SLC7A6OS: variants seen among roughly 807,000 people sequenced by gnomAD.
The protein encoded by SLC7A6OS is solute carrier family 7 member 6 opposite strand, also known as probable RNA polymerase II nuclear localization protein SLC7A6OS.
A neutral mutation model predicts 34.3 loss-of-function variants in SLC7A6OS; 22 were observed. The ratio of observed to expected loss-of-function variants is 0.64; its 90% CI spans 0.46 to 0.92. The LOEUF (loss-of-function observed/expected upper bound fraction) is 0.92. SLC7A6OS is among the 40% of genes least tolerant of loss of function. The probability of loss-of-function intolerance (pLI) is 0.00; values close to 1 mark genes in which losing one functional copy is unlikely to be tolerated. For synonymous variants in SLC7A6OS, 199 were observed against 165.0 expected (o/e 1.21, Z -1.58); for missense variants, 434 against 407.7 (o/e 1.06, Z -0.56).
chr16:68,302,428 T>C lies in SLC7A6OS; in HGVS notation c.752A>G (p.Asn251Ser), dbSNP rs1422862126. Residue 251 changes from asparagine (N) to serine (S), a missense_variant, in exon 4 of 5, where the codon AAT becomes AGT. Asn to Ser is a conservative substitution (Grantham distance 46). Coordinates refer to ENST00000263997, the MANE Select transcript of SLC7A6OS (RefSeq NM_032178.3). ...ACTGCTCTCCTCCTCTGGGTACTCA[T>C]TGCGCCAGTTATTCTCACTGTTCTC... ...DDENSENNWR[N>S]EYPEEESSDG... 2 of 1,614,082 alleles carry C rather than the reference T, an allele frequency of 1.2e-6. No homozygotes were observed. The highest frequency in any genetic ancestry group is 2.2e-5 in the East Asian group (1 of 44,902).
At position 68,298,636 on chromosome 16, in the gene SLC7A6OS, A is replaced by C. The variant is rs944999236; in HGVS notation, c.*2639T>G. ...GGGGACTTCTGTTTTCTCCCTGTGG[A>C]GATCAGTGAAGACTGGGAGGAAAGC... On this transcript the variant is annotated 3_prime_UTR_variant, in exon 5 of 5. Transcript: ENST00000263997. 6.6e-6 allele frequency: 1 copy of C among 152,236 alleles called. No individual in the cohort carries two copies. Among genetic ancestry groups the C allele is most frequent in the African/African-American group, 2.4e-5 (1 of 41,438 alleles). 9.4% of individuals were successfully genotyped at this position (152,236 alleles called of 1,614,324 possible).
At chr16:68,304,638 G>A (rs1216015938) in intron 2 of SLC7A6OS, among the ~76,000 whole-genome samples, 2 of 152,106 alleles carry the variant, frequency 1.3e-5, no homozygotes, top group Non-Finnish European at 2.9e-5. Flanking sequence ...CCATAGTGTT[G>A]TGGTCAAGAT....
intron 2 of SLC7A6OS, among the ~76,000 whole-genome samples, chr16:68,310,069 T>A (rs2043426370): frequency 1.3e-5 from 2 of 152,226 alleles, no homozygotes; most frequent in African/African-American, 4.8e-5. Context: ...CTTATCATCA[T>A]CTGACACTGA....
rs376657473 is a variant in SLC7A6OS at position 68,301,390 on chromosome 16, T to C, written c.815A>G (p.Asn272Ser). Residue 272 changes from asparagine (N) to serine (S), a missense_variant, in exon 5 of 5, where the codon AAC becomes AGC. Asn to Ser is a conservative substitution (Grantham distance 46). Transcript: ENST00000263997. ...DEDSRGSADY[N>S]SLSEEERGSS... ...GCCTCTTTCCTCCTCACTCAGGCTG[T>C]TGTAGTCAGCAGAGCCTAGAATGAC... 3.1e-6 allele frequency: 5 copies of C among 1,613,932 alleles called. No individual in the cohort carries two copies. The highest frequency in any genetic ancestry group is 4.2e-6 in the Non-Finnish European group (5 of 1,179,964).
intron 2 of SLC7A6OS, among the ~76,000 whole-genome samples, chr16:68,308,606 G>A (rs953931995): frequency 6.6e-6 from 1 of 152,116 alleles, no homozygotes; most frequent in Non-Finnish European, 1.5e-5. Flanking sequence ...CAGCCTGGGC[G>A]ACAAGGGCGA....
rs2043307492 is a variant in SLC7A6OS at position 68,304,021 on chromosome 16, C to T, written c.678+5G>A. 6.2e-7 allele frequency: 1 copy of T among 1,612,698 alleles called. No homozygotes were observed. Among genetic ancestry groups the T allele is most frequent in the African/African-American group, 1.3e-5 (1 of 74,870 alleles). The stretch of plus-strand genomic sequence containing the variant: ...CATGCCCCGTCTGCTCATGGGCCCC[C>T]TTACCAGCTCCCATTCTTGGCTGTA... On this transcript the variant is annotated splice_donor_5th_base_variant and intron_variant, in intron 3 of 4. Coordinates refer to ENST00000263997, the MANE Select transcript of SLC7A6OS (RefSeq NM_032178.3).
Position 68,310,946 on chromosome 16 carries a change from T to G in SLC7A6OS, c.-20A>C. 6.4e-7 allele frequency: 1 copy of G among 1,558,830 alleles called. No individual in the cohort carries two copies. ...CTCCATAGTGGCTGCCGCTGAGCAC[T>G]GTGGGAGCTCGCGGGGTGTGATGGG... On this transcript the variant is annotated 5_prime_UTR_variant, in exon 1 of 5. Transcript: ENST00000263997.
rs746135718 is a variant in SLC7A6OS, at chr16:68,304,125, G to A, written c.579C>T (p.His193=). 1.4e-5 allele frequency: 23 copies of A among 1,614,016 alleles called. No homozygotes were observed. Among genetic ancestry groups the A allele is most frequent in the South Asian group, 2.2e-5 (2 of 91,092 alleles). Residue 193 remains histidine, a synonymous_variant, in exon 3 of 5, where the codon CAC becomes CAT. Transcript: ENST00000263997. The stretch of plus-strand genomic sequence containing the variant: ...AGTAAATGTCATACACATAGTCATC[G>A]TGTTTTTGTTCTTCCTGGCGCCTGA... ...PGVRRQEEQK[H]DDYVYDIYYL...
In SLC7A6OS at chr16:68,310,553, G is replaced by A. The variant is rs1405020027; in HGVS notation, c.253C>T (p.Arg85Cys). ...VLRPSRDSQQ[R>C]VRRNLRASAR... ...GAGGCGCGGAGATTACGGCGGACAC[G>A]CTGCTGGCTGTCCCGTGACGGGCGC... Residue 85 changes from arginine (R) to cysteine (C), a missense_variant, in exon 2 of 5, where the codon CGT becomes TGT. Arg to Cys is a radical substitution (Grantham distance 180). Transcript: ENST00000263997. The A allele has an allele frequency of 1.3e-6, 2 of 1,581,156 alleles. No individual in the cohort carries two copies. Among genetic ancestry groups the A allele is most frequent in the Non-Finnish European group, 8.6e-7 (1 of 1,165,124 alleles).
chr16:68,307,933 C>T (rs1467181772), intron 2 of SLC7A6OS, among the ~76,000 whole-genome samples: 1 of 152,110 alleles, frequency 6.6e-6, no homozygotes, highest in Non-Finnish European at 1.5e-5. Context: ...TGGAGTTTTG[C>T]TCTTCTCGCC....
intron 2 of SLC7A6OS, 87 bp downstream of exon 2, chr16:68,310,248 T>C: frequency 7.1e-7 from 1 of 1,401,794 alleles, no homozygotes; most frequent in Non-Finnish European, 9.6e-7. Flanking sequence ...TCCATCCCCT[T>C]AAGATGAAAC....
chr16:68,304,073 T>A lies in SLC7A6OS; in HGVS notation c.631A>T (p.Ile211Phe). ...YYLETATPGW[I>F]ENILSVQPYS... ...GGCTGCACGGAGAGGATGTTCTCAA[T>A]CCAGCCTGGAGTGGCCGTCTCCAAG... The change falls in exon 3 of 5, where the codon ATT becomes TTT. Residue 211 changes from isoleucine to phenylalanine, a missense_variant. Transcript: ENST00000263997. 1.2e-6 allele frequency: 2 copies of A among 1,614,062 alleles called. No individual in the cohort carries two copies. The highest frequency in any genetic ancestry group is 2.2e-5 in the South Asian group (2 of 91,078).
chr16:68,308,181 C>A (rs960373695), intron 2 of SLC7A6OS, among the ~76,000 whole-genome samples: 1 of 151,706 alleles, frequency 6.6e-6, no homozygotes, highest in Non-Finnish European at 1.5e-5. Flanking sequence ...GGATTACAGG[C>A]ATGAGCCACT....
In SLC7A6OS at chr16:68,300,695, G is replaced by A; in HGVS notation, c.*580C>T. 1 of 985,444 alleles carries A rather than the reference G, an allele frequency of 1.0e-6. No individual in the cohort carries two copies. The highest frequency in any genetic ancestry group is 1.2e-6 in the Non-Finnish European group (1 of 829,944). The allele number at this position is 985,444 out of a possible 1,614,324, so 61.0% of individuals were successfully genotyped here. On this transcript the variant is annotated 3_prime_UTR_variant, in exon 5 of 5. Coordinates refer to ENST00000263997, the MANE Select transcript of SLC7A6OS (RefSeq NM_032178.3). Reference sequence around the variant, plus strand: ...TTTCTTGGCCCCACTGCCAAAGGAAGTCAGTCAGTAATTTCACAACCGTTA... The same window carrying A: ...TTTCTTGGCCCCACTGCCAAAGGAAATCAGTCAGTAATTTCACAACCGTTA...
At position 68,298,383 on chromosome 16, in the gene SLC7A6OS, T is replaced by G. The variant is rs2043212237; in HGVS notation, c.*2892A>C. The G allele has an allele frequency of 6.6e-6, 1 of 152,620 alleles. No individual in the cohort carries two copies. Among genetic ancestry groups the G allele is most frequent in the African/African-American group, 2.4e-5 (1 of 41,468 alleles). The allele number at this position is 152,620 out of a possible 1,614,324, so 9.5% of individuals were successfully genotyped here. A position where few individuals can be genotyped will look rare whatever the true frequency, so the allele number is the denominator to read the frequency against. On this transcript the variant is annotated 3_prime_UTR_variant, in exon 5 of 5. Transcript: ENST00000263997. ...AACCTGTTCCTCTCTGTAAGGGCAGTGTGAGGGACTGCTGTGCAGACCCAA... is the reference window on the plus strand; with the variant it reads ...AACCTGTTCCTCTCTGTAAGGGCAGGGTGAGGGACTGCTGTGCAGACCCAA...
chr16:68,302,325 C>T (rs750543648), intron 4 of SLC7A6OS, 56 bp downstream of exon 4: 2 of 1,603,230 alleles, frequency 1.2e-6, no homozygotes, highest in Admixed American at 3.4e-5. Flanking sequence ...GTCAACTATG[C>T]CTGCACCTCA....
At chr16:68,309,151 G>C (rs937056848) in intron 2 of SLC7A6OS, among the ~76,000 whole-genome samples, 1 of 151,678 alleles carries the variant, frequency 6.6e-6, no homozygotes, top group Non-Finnish European at 1.5e-5. Context: ...CCAGAGGGCA[G>C]TGACTTGATC....
In SLC7A6OS at chr16:68,300,496, T is replaced by C. The variant is rs540145884; in HGVS notation, c.*779A>G. The stretch of plus-strand genomic sequence containing the variant: ...TGGAAAGCTAAGTTCAGAAGGTACT[T>C]TGTTTTTCCTCCCTTGCCTTAAGTC... On this transcript the variant is annotated 3_prime_UTR_variant, in exon 5 of 5. Coordinates refer to ENST00000263997, the MANE Select transcript of SLC7A6OS (RefSeq NM_032178.3). 19 of 495,112 alleles carry C rather than the reference T, an allele frequency of 3.8e-5. 1 individual carries two copies. In the South Asian group the frequency reaches 1.4e-3, roughly 36 times the overall value. 30.7% of individuals were successfully genotyped at this position (495,112 alleles called of 1,614,324 possible). A position where few individuals can be genotyped will look rare whatever the true frequency, so the allele number is the denominator to read the frequency against.
rs149523156 is a variant in SLC7A6OS at position 68,298,109 on chromosome 16, C to T, written c.*3166G>A. 133 of 152,782 alleles carry T rather than the reference C, an allele frequency of 8.7e-4. No homozygotes were observed. Among genetic ancestry groups the T allele is most frequent in the African/African-American group, 3.2e-3 (133 of 41,572 alleles). The allele number at this position is 152,782 out of a possible 1,614,324, so 9.5% of individuals were successfully genotyped here. On this transcript the variant is annotated 3_prime_UTR_variant, in exon 5 of 5. Transcript: ENST00000263997. ...GATAGATCATAGATCACGTTACAAG[C>T]ACTTGGCTCAGGTCCAGCAAGGACA...
Sources: gnomAD v4.1 joint callset for allele counts (sites outside exome capture counted in the v4.1 genomes callset) on GRCh38, gnomAD v4.1.1 for gene constraint, MANE v1.5 for transcripts, NCBI Gene and HGNC (gene_info 2026-07-23, HGNC 2026-07-21) for gene names.